The following TEX14 variants were observed in gnomAD, a reference collection of about 807,000 sequenced individuals.
The protein encoded by TEX14 is testis expressed 14, intercellular bridge forming factor.
TEX14 carries 168 observed loss-of-function variants against 178.6 expected under a neutral mutation model. The ratio of observed to expected loss-of-function variants is 0.94; its 90% CI spans 0.83 to 1.07. The LOEUF is 1.07. TEX14 is among the 50% of genes least tolerant of loss of function. The probability of loss-of-function intolerance (pLI) is 0.00; values close to 1 mark genes in which losing one functional copy is unlikely to be tolerated. For missense variants in TEX14, 1,730 were observed against 1,753.6 expected (o/e 0.99, Z 0.24); for synonymous variants, 626 against 634.1 (o/e 0.99, Z 0.19).
At chr17:58,618,664 G>C (rs539567802) in intron 5 of TEX14, among the ~76,000 whole-genome samples, 1 of 152,192 alleles carries the variant, frequency 6.6e-6, no homozygotes. Context: ...GCTGGGAGAC[G>C]GTGCATACTC....
chr17:58,583,684 C>T (rs749541126), intron 19 of TEX14, among the ~76,000 whole-genome samples: 4 of 152,208 alleles, frequency 2.6e-5, no homozygotes, highest in Non-Finnish European at 5.9e-5. Flanking sequence ...AAACTGAATT[C>T]GTCCTGGCCT....
At chr17:58,600,907 C>T (rs533952284) in intron 13 of TEX14, among the ~76,000 whole-genome samples, 5 of 152,136 alleles carry the variant, frequency 3.3e-5, no homozygotes, top group Non-Finnish European at 5.9e-5. Flanking sequence ...CTGATGACTG[C>T]AAGGTCCTTT....
At chr17:58,648,003 C>A (rs1380979246) in intron 2 of TEX14, 1 of 152,318 alleles carries the variant, frequency 6.6e-6, no homozygotes, top group African/African-American at 2.4e-5. Flanking sequence ...CAGGCCGATT[C>A]CAATTTCTTC....
At chr17:58,653,250 G>A (rs887565075) in intron 1 of TEX14, among the ~76,000 whole-genome samples, 3 of 152,050 alleles carry the variant, frequency 2.0e-5, no homozygotes, top group South Asian at 2.1e-4. Flanking sequence ...AGTTTCAAAG[G>A]AACTAATTTG....
chr17:58,575,272 G>A (rs574363736), intron 21 of TEX14, among the ~76,000 whole-genome samples: 10 of 152,024 alleles, frequency 6.6e-5, no homozygotes, highest in African/African-American at 2.2e-4. Context: ...GCGCCACCAC[G>A]CCCGGCTAAT....
At chr17:58,667,308 T>C (rs2143435141) in intron 1 of TEX14, among the ~76,000 whole-genome samples, 1 of 152,366 alleles carries the variant, frequency 6.6e-6, no homozygotes, top group East Asian at 1.9e-4. Flanking sequence ...GATGAGCTTA[T>C]GGCCTCAACT....
chr17:58,576,364 A>G lies in TEX14; in HGVS notation c.3320+1011T>C, dbSNP rs543530221. Reference sequence around the variant, plus strand: ...GCCAGGTGTGGTGGCACATGCCTATAATTCCGCTACTTGGGAGGCTGGGGC... The same window carrying G: ...GCCAGGTGTGGTGGCACATGCCTATGATTCCGCTACTTGGGAGGCTGGGGC... On this transcript the variant is annotated intron_variant, in intron 21 of 31. Transcript: ENST00000349033. Among the ~76,000 whole-genome samples, 6 of 152,286 alleles carry G rather than the reference A, an allele frequency of 3.9e-5. No homozygotes were observed. In the East Asian group the frequency reaches 1.2e-3, roughly 29 times the overall value.
intron 14 of TEX14, among the ~76,000 whole-genome samples, chr17:58,597,291 C>T (rs994884661): frequency 6.6e-6 from 1 of 151,880 alleles, no homozygotes; most frequent in Non-Finnish European, 1.5e-5. Flanking sequence ...CCCAGCTACT[C>T]GGGAGGCTGA....
chr17:58,608,863 A>C (rs1163576299), intron 10 of TEX14, among the ~76,000 whole-genome samples: 3 of 152,188 alleles, frequency 2.0e-5, no homozygotes, highest in African/African-American at 4.8e-5. Flanking sequence ...GTGCCTTCAA[A>C]TGGTCAGGAG....
intron 1 of TEX14, chr17:58,661,095 C>T (rs1306220810): frequency 2.1e-6 from 2 of 967,174 alleles, no homozygotes; most frequent in Non-Finnish European, 3.4e-6. Context: ...TGCTCCAACA[C>T]CTTCTTCTGC....
At chr17:58,617,087 C>CTTG (rs1386166371) in intron 6 of TEX14, among the ~76,000 whole-genome samples, 1 of 151,886 alleles carries the variant, frequency 6.6e-6, no homozygotes, top group Non-Finnish European at 1.5e-5. Context: ...CCCATCTCTA[C>CTTG]TAAAAATACA....
chr17:58,641,500 A>ATTG (rs1305052764), intron 2 of TEX14, among the ~76,000 whole-genome samples: 1 of 147,722 alleles, frequency 6.8e-6, no homozygotes, highest in Non-Finnish European at 1.5e-5. Flanking sequence ...TATTATTATT[A>ATTG]TTATTATTAT....
chr17:58,596,195 A>ATTTT (rs1567725055), intron 14 of TEX14, among the ~76,000 whole-genome samples: 111 of 152,306 alleles, frequency 7.3e-4, no homozygotes, highest in African/African-American at 2.4e-3. Context: ...AAAATTTAAA[A>ATTTT]AAAAAAAAGT....
chr17:58,630,668 AGCTTTTTTTT>A, intron 2 of TEX14, 114 bp from the exon 3 acceptor site: 1 of 677,924 alleles, frequency 1.5e-6, no homozygotes, highest in Non-Finnish European at 2.5e-6. Context: ...TATTGCTGTG[AGCTTTTTTTT>A]AAAAAAAGTA....
intron 21 of TEX14, 85 bp downstream of exon 21, chr17:58,577,290 A>C: frequency 1.8e-6 from 1 of 545,892 alleles, no homozygotes; most frequent in Middle Eastern, 3.0e-4. Context: ...ATCTGAAGAC[A>C]AGCAATATAT....
intron 14 of TEX14, among the ~76,000 whole-genome samples, chr17:58,597,689 A>C (rs391370): frequency 0.64 from 96,780 of 152,020 alleles, 31,183 homozygotes; most frequent in African/African-American, 0.71. Flanking sequence ...CTCTAAAATT[A>C]TAAAATTCAA....
At chr17:58,625,368 C>G (rs186685837) in intron 3 of TEX14, among the ~76,000 whole-genome samples, 324 of 152,312 alleles carry the variant, frequency 2.1e-3, no homozygotes, top group Non-Finnish European at 3.4e-3. Flanking sequence ...TTCCTGACCT[C>G]AGGTGATCTG....
chr17:58,657,231 A>C (rs1320546670), intron 1 of TEX14, among the ~76,000 whole-genome samples: 1 of 152,034 alleles, frequency 6.6e-6, no homozygotes, highest in Non-Finnish European at 1.5e-5. Context: ...CAGCCTCCCA[A>C]AGTGCTAGAA....
chr17:58,642,610 T>C (rs542803144), intron 2 of TEX14, among the ~76,000 whole-genome samples: 87 of 151,938 alleles, frequency 5.7e-4, no homozygotes, highest in African/African-American at 2.1e-3. Context: ...TCACTGCAAC[T>C]TCTGCCTCCC....
Sources: allele counts gnomAD v4.1 joint callset (sites outside exome capture counted in the v4.1 genomes callset), GRCh38; gene constraint gnomAD v4.1.1; transcripts MANE v1.5; gene names NCBI Gene and HGNC (gene_info 2026-07-23, HGNC 2026-07-21).